Variants in OPHN1 observed in about 807,000 individuals in gnomAD.
OPHN1 encodes oligophrenin 1.
A neutral mutation model predicts 60.7 loss-of-function variants in OPHN1; 11 were observed. The ratio of observed to expected loss-of-function variants is 0.18; its 90% CI spans 0.11 to 0.30. The LOEUF (loss-of-function observed/expected upper bound fraction) is 0.30. Among genes scored for constraint, OPHN1 ranks in the 10% least tolerant of loss-of-function variants. The pLI is 1.00. For synonymous variants in OPHN1, 226 were observed against 222.6 expected (o/e 1.02, Z -0.14); for missense variants, 449 against 611.0 (o/e 0.73, Z 2.80).
At chrX:68,185,425 A>C (rs139940386) in intron 15 of OPHN1, among the ~76,000 whole-genome samples, 2,808 of 111,967 alleles carry the variant, frequency 0.025, 88 homozygotes, top group African/African-American at 0.086. Flanking sequence ...CTAGTAAAGA[A>C]ACATGGACAG....
At chrX:68,142,087 T>C (rs1184647230) in intron 15 of OPHN1, among the ~76,000 whole-genome samples, 1 of 111,707 alleles carries the variant, frequency 9.0e-6, no homozygotes, top group Non-Finnish European at 1.9e-5. Context: ...CCCACCATCA[T>C]CACCTGCCGT....
chrX:68,170,461 T>C (rs2077384460), intron 15 of OPHN1, among the ~76,000 whole-genome samples: 1 of 109,150 alleles, frequency 9.2e-6, no homozygotes, highest in Non-Finnish European at 1.9e-5. Context: ...TAAATTATGC[T>C]GCTATAAAGA....
At chrX:68,299,291 A>G (rs1426298009) in intron 2 of OPHN1, among the ~76,000 whole-genome samples, 195 bp from the exon 3 acceptor site, 2 of 112,112 alleles carry the variant, frequency 1.8e-5, no homozygotes, top group Non-Finnish European at 3.8e-5. Context: ...ACAAGAAGAA[A>G]GGATGGGGCA....
Position 68,193,199 on chromosome X carries a change from T to C in OPHN1, c.1202-206A>G, listed in dbSNP as rs1409809591. 3.6e-5 allele frequency among the ~76,000 whole-genome samples: 4 copies of C among 112,094 alleles called. No individual in the cohort carries two copies. In the Admixed American group the frequency reaches 3.8e-4, roughly 11 times the overall value. On this transcript the variant is annotated intron_variant, in intron 14 of 24. Transcript: ENST00000355520. ...GGAGTGTACCAAACCCTCATTAATC[T>C]GAAGAGAAGAAAACAAACTCTATAG...
intron 7 of OPHN1, among the ~76,000 whole-genome samples, chrX:68,213,067 C>A (rs1410860891): frequency 1.8e-5 from 2 of 112,173 alleles, no homozygotes; most frequent in African/African-American, 6.5e-5. Context: ...TTTTCAACCC[C>A]ATTAAAAATC....
intron 15 of OPHN1, among the ~76,000 whole-genome samples, chrX:68,165,889 T>C (rs1262500306): frequency 2.7e-5 from 3 of 112,035 alleles, no homozygotes. Flanking sequence ...TATGATAAAA[T>C]TCAAAAACTA....
chrX:68,115,491 AAGC>A (rs757464011), intron 16 of OPHN1, among the ~76,000 whole-genome samples: 18 of 112,402 alleles, frequency 1.6e-4, no homozygotes, highest in Non-Finnish European at 2.8e-4. Context: ...GAAAAACAAA[AAGC>A]AAGTGATTCA....
At chrX:68,220,335 C>T (rs1306782856) in intron 6 of OPHN1, among the ~76,000 whole-genome samples, 6 of 109,636 alleles carry the variant, frequency 5.5e-5, no homozygotes, top group African/African-American at 1.3e-4. Context: ...GATTCACAGC[C>T]GAATTCTACC....
At chrX:68,061,367 C>T (rs776754773) in intron 21 of OPHN1, among the ~76,000 whole-genome samples, 1 of 111,070 alleles carries the variant, frequency 9.0e-6, no homozygotes, top group South Asian at 3.8e-4. Context: ...GGAAGGAGGG[C>T]TGAGTTACTG....
At chrX:68,406,399 G>A (rs1456159364) in intron 2 of OPHN1, among the ~76,000 whole-genome samples, 1 of 110,676 alleles carries the variant, frequency 9.0e-6, no homozygotes, top group Non-Finnish European at 1.9e-5. Context: ...ATCGCCTGAG[G>A]TCAGGAGTTC....
At chrX:68,116,954 G>A (rs750582678) in intron 16 of OPHN1, among the ~76,000 whole-genome samples, 3 of 111,425 alleles carry the variant, frequency 2.7e-5, no homozygotes, top group Admixed American at 9.6e-5. Flanking sequence ...AGCCATAGCC[G>A]GCTAACTGAT....
intron 8 of OPHN1, 37 bp from the exon 9 acceptor site, chrX:68,210,319 C>G: frequency 8.5e-7 from 1 of 1,171,478 alleles, no homozygotes; most frequent in Non-Finnish European, 1.2e-6. Flanking sequence ...TTATTATCAT[C>G]ATCATTATCA....
intron 2 of OPHN1, among the ~76,000 whole-genome samples, chrX:68,421,724 T>C (rs1176931421): frequency 8.9e-6 from 1 of 111,863 alleles, no homozygotes; most frequent in East Asian, 2.8e-4. Flanking sequence ...TGAAAACCTT[T>C]TGTAAAGAAC....
At chrX:68,408,588 A>C (rs1163058978) in intron 2 of OPHN1, among the ~76,000 whole-genome samples, 1 of 112,686 alleles carries the variant, frequency 8.9e-6, no homozygotes, top group Non-Finnish European at 1.9e-5. Context: ...TCTGACCTTC[A>C]AATGTCCAGT....
chrX:68,080,997 C>T (rs755274340), intron 19 of OPHN1, among the ~76,000 whole-genome samples: 1 of 111,359 alleles, frequency 9.0e-6, no homozygotes, highest in Non-Finnish European at 1.9e-5. Context: ...CTTTATTACA[C>T]TGCATCCTGA....
At chrX:68,246,254 G>A (rs1393848409) in intron 5 of OPHN1, among the ~76,000 whole-genome samples, 2 of 112,185 alleles carry the variant, frequency 1.8e-5, no homozygotes, top group Non-Finnish European at 3.8e-5. Flanking sequence ...ACAATGTGTT[G>A]ACTATCATCA....
intron 5 of OPHN1, among the ~76,000 whole-genome samples, chrX:68,265,178 C>G (rs766931911): frequency 8.9e-6 from 1 of 112,093 alleles, no homozygotes; most frequent in African/African-American, 3.2e-5. Context: ...TTTGAAGAGA[C>G]TAGCAGTTTT....
At chrX:68,170,002 A>G (rs1193713434) in intron 15 of OPHN1, among the ~76,000 whole-genome samples, 1 of 108,676 alleles carries the variant, frequency 9.2e-6, no homozygotes, top group Non-Finnish European at 1.9e-5. Context: ...GCAACCTACA[A>G]AATGGGAGAA....
intron 19 of OPHN1, among the ~76,000 whole-genome samples, chrX:68,091,988 A>C (rs747259428): frequency 4.5e-5 from 5 of 111,514 alleles, no homozygotes; most frequent in African/African-American, 1.3e-4. Flanking sequence ...AGATCATTCA[A>C]GTTGTTAAAA....
Sources: gnomAD v4.1 joint callset for allele counts (sites outside exome capture counted in the v4.1 genomes callset) on GRCh38, gnomAD v4.1.1 for gene constraint, MANE v1.5 for transcripts, NCBI Gene and HGNC (gene_info 2026-07-23, HGNC 2026-07-21) for gene names.